CADM2: variants seen among roughly 807,000 people sequenced by gnomAD.
The protein encoded by CADM2 is immunoglobulin superfamily member 4D.
Under a neutral mutation model 49.8 loss-of-function variants are expected in CADM2, and 12 were observed. That is an observed-to-expected ratio of 0.24 (90% confidence interval 0.15 to 0.39). CADM2 has a LOEUF of 0.39. CADM2 is among the 10% of genes least tolerant of loss of function. The pLI is 1.00. For synonymous variants in CADM2, 214 were observed against 175.4 expected (o/e 1.22, Z -1.74); for missense variants, 378 against 492.3 (o/e 0.77, Z 2.20).
chr3:85,776,774 C>A (rs999641781), intron 2 of CADM2, among the ~76,000 whole-genome samples: 21 of 151,960 alleles, frequency 1.4e-4, no homozygotes, highest in Non-Finnish European at 2.8e-4. Context: ...AGTAAATACT[C>A]AGTGCTAATT....
At chr3:85,602,946 T>C (rs972513341) in intron 1 of CADM2, among the ~76,000 whole-genome samples, 1 of 151,790 alleles carries the variant, frequency 6.6e-6, no homozygotes, top group Non-Finnish European at 1.5e-5. Flanking sequence ...TTATTTTTGC[T>C]TTTTTGGTGG....
At chr3:85,024,712 C>T (rs561542807) in intron 1 of CADM2, among the ~76,000 whole-genome samples, 19 of 150,578 alleles carry the variant, frequency 1.3e-4, no homozygotes, top group Non-Finnish European at 2.4e-4. Flanking sequence ...ACTGAAAATA[C>T]GTTAATTAAT....
At chr3:85,144,620 A>AAAAAAGAAAG (rs373935603) in intron 1 of CADM2, among the ~76,000 whole-genome samples, 6 of 136,390 alleles carry the variant, frequency 4.4e-5, no homozygotes, top group Middle Eastern at 3.8e-3. Flanking sequence ...TCAAAAAAAA[A>AAAAAAGAAAG]AAAGAAAGAA....
At chr3:85,446,442 T>C (rs147374358) in intron 1 of CADM2, among the ~76,000 whole-genome samples, 1 of 152,288 alleles carries the variant, frequency 6.6e-6, no homozygotes, top group Non-Finnish European at 1.5e-5. Flanking sequence ...TCAGAAAATC[T>C]GTCTTGTAGC....
chr3:85,321,632 T>G (rs968723942), intron 1 of CADM2, among the ~76,000 whole-genome samples: 1 of 152,204 alleles, frequency 6.6e-6, no homozygotes, highest in Non-Finnish European at 1.5e-5. Context: ...TAATTTGATT[T>G]TATTAACTTT....
chr3:85,378,261 G>A (rs2033706354), intron 1 of CADM2, among the ~76,000 whole-genome samples: 1 of 151,906 alleles, frequency 6.6e-6, no homozygotes, highest in South Asian at 2.1e-4. Flanking sequence ...TCATCACTCT[G>A]TTCTGTGCTT....
intron 1 of CADM2, among the ~76,000 whole-genome samples, chr3:85,417,095 TA>T (rs368448805): frequency 5.3e-5 from 8 of 151,864 alleles, no homozygotes; most frequent in South Asian, 2.1e-4. Flanking sequence ...TTGAAAAGCT[TA>T]AAAAAAACTT....
At chr3:85,260,906 C>T (rs1037365721) in intron 1 of CADM2, among the ~76,000 whole-genome samples, 2 of 152,124 alleles carry the variant, frequency 1.3e-5, no homozygotes, top group Non-Finnish European at 2.9e-5. Flanking sequence ...TATCTCTAAT[C>T]AGTGGAGTTT....
intron 1 of CADM2, among the ~76,000 whole-genome samples, chr3:85,470,054 T>G (rs2038699367): frequency 6.6e-6 from 1 of 152,178 alleles, no homozygotes; most frequent in African/African-American, 2.4e-5. Context: ...TTAATTCAAA[T>G]TTCTGTTGGA....
chr3:85,125,369 A>ATT (rs199735966), intron 1 of CADM2, among the ~76,000 whole-genome samples: 245 of 151,150 alleles, frequency 1.6e-3, no homozygotes, highest in African/African-American at 5.6e-3. Context: ...GTGAACTTAG[A>ATT]TTTTTGTTTT....
At chr3:84,974,278 G>T (rs943508027) in intron 1 of CADM2, among the ~76,000 whole-genome samples, 1 of 151,588 alleles carries the variant, frequency 6.6e-6, no homozygotes, top group African/African-American at 2.4e-5. Context: ...TGGTGGTCTA[G>T]CATTTATAAT....
At chr3:85,738,240 T>A (rs143504182) in intron 2 of CADM2, among the ~76,000 whole-genome samples, 134 of 152,274 alleles carry the variant, frequency 8.8e-4, no homozygotes, top group African/African-American at 3.1e-3. Flanking sequence ...CAAATATCTG[T>A]GTATATTAGA....
At chr3:85,313,606 A>T (rs1576333255) in intron 1 of CADM2, among the ~76,000 whole-genome samples, 1 of 152,196 alleles carries the variant, frequency 6.6e-6, no homozygotes, top group South Asian at 2.1e-4. Context: ...CAAGGAATAC[A>T]GTGGCAGTAG....
intron 1 of CADM2, among the ~76,000 whole-genome samples, chr3:85,237,331 G>C (rs750589115): frequency 1.3e-5 from 2 of 151,472 alleles, no homozygotes; most frequent in Admixed American, 1.3e-4. Flanking sequence ...ATAATATGCT[G>C]TTTCAGTATC....
chr3:85,013,674 A>G (rs1408546130), intron 1 of CADM2, among the ~76,000 whole-genome samples: 3 of 151,192 alleles, frequency 2.0e-5, no homozygotes, highest in East Asian at 1.9e-4. Context: ...CTATGTAGCT[A>G]TGTATTGTTA....
At chr3:85,035,331 T>G (rs2035168451) in intron 1 of CADM2, among the ~76,000 whole-genome samples, 1 of 152,242 alleles carries the variant, frequency 6.6e-6, no homozygotes, top group Admixed American at 6.5e-5. Context: ...ATTCATTGTC[T>G]GATGGCTAGA....
intron 8 of CADM2, among the ~76,000 whole-genome samples, chr3:86,039,402 A>G (rs1735564225): frequency 6.6e-6 from 1 of 152,148 alleles, no homozygotes; most frequent in Admixed American, 6.5e-5. Context: ...GTGCTTTTCC[A>G]ATGGTCTTAG....
intron 7 of CADM2, among the ~76,000 whole-genome samples, chr3:85,944,638 A>T (rs191725764): frequency 4.6e-5 from 7 of 152,282 alleles, no homozygotes; most frequent in Admixed American, 2.0e-4. Flanking sequence ...CTGCTCAACT[A>T]CATGGAAACT....
intron 1 of CADM2, among the ~76,000 whole-genome samples, chr3:85,181,743 C>T (rs1047862723): frequency 6.6e-6 from 1 of 151,210 alleles, no homozygotes; most frequent in Admixed American, 6.6e-5. Context: ...AGATTTTTTT[C>T]CCATTGATTT....
Sources: gnomAD v4.1 joint callset for allele counts (sites outside exome capture counted in the v4.1 genomes callset) on GRCh38, gnomAD v4.1.1 for gene constraint, MANE v1.5 for transcripts, NCBI Gene and HGNC (gene_info 2026-07-23, HGNC 2026-07-21) for gene names.